SYNDIG1: variants seen among roughly 807,000 people sequenced by gnomAD.
SYNDIG1 encodes synapse differentiation-inducing gene protein 1.
SYNDIG1 carries 9 observed loss-of-function variants against 19.4 expected under a neutral mutation model. That is an observed-to-expected ratio of 0.46 (90% CI 0.28 to 0.81). The LOEUF (loss-of-function observed/expected upper bound fraction) is 0.81. Ranked by LOEUF, SYNDIG1 falls within the 30% of genes least tolerant of loss-of-function variation. SYNDIG1 has a pLI of 0.12. For missense variants in SYNDIG1, 311 were observed against 343.3 expected, an observed-to-expected ratio of 0.91 and a Z score of 0.74; for synonymous variants, 141 against 145.9, an observed-to-expected ratio of 0.97 and a Z score of 0.24.
intron 2 of SYNDIG1, among the ~76,000 whole-genome samples, chr20:24,548,989 G>C (rs923810296): frequency 6.6e-6 from 1 of 151,978 alleles, no homozygotes. Flanking sequence ...GTGATGTTTT[G>C]ATACATGTAA....
At chr20:24,506,484 G>A (rs1266426000) in intron 1 of SYNDIG1, among the ~76,000 whole-genome samples, 2 of 152,200 alleles carry the variant, frequency 1.3e-5, no homozygotes, top group African/African-American at 2.4e-5. Context: ...GGTGGACAGT[G>A]CTTTGGGGAT....
intron 3 of SYNDIG1, among the ~76,000 whole-genome samples, chr20:24,633,729 T>C (rs74881666): frequency 8.5e-5 from 13 of 152,184 alleles, no homozygotes; most frequent in Non-Finnish European, 2.9e-5. Flanking sequence ...GCTGGCAGTC[T>C]GGGTGTGAAT....
At chr20:24,470,646 C>T (rs1355574871) in intron 1 of SYNDIG1, among the ~76,000 whole-genome samples, 1 of 152,238 alleles carries the variant, frequency 6.6e-6, no homozygotes, top group Non-Finnish European at 1.5e-5. Flanking sequence ...GGGGCTTTGT[C>T]CCTATGCGCT....
chr20:24,612,431 G>A (rs2058863858), intron 3 of SYNDIG1, among the ~76,000 whole-genome samples: 1 of 152,152 alleles, frequency 6.6e-6, no homozygotes, highest in Non-Finnish European at 1.5e-5. Flanking sequence ...CTTAAAGCAG[G>A]AGAAGAAAGC....
intron 3 of SYNDIG1, among the ~76,000 whole-genome samples, chr20:24,636,771 G>C (rs540438006): frequency 5.4e-4 from 82 of 152,306 alleles, no homozygotes; most frequent in African/African-American, 1.8e-3. Flanking sequence ...GCTGCTCTTT[G>C]TTAGAAAAGA....
chr20:24,484,284 G>A (rs933356748), intron 1 of SYNDIG1, among the ~76,000 whole-genome samples: 1 of 152,154 alleles, frequency 6.6e-6, no homozygotes, highest in African/African-American at 2.4e-5. Flanking sequence ...AGAGTGGGGG[G>A]CCTGGGGCTA....
intron 3 of SYNDIG1, among the ~76,000 whole-genome samples, chr20:24,650,640 G>A (rs1372050216): frequency 6.6e-6 from 1 of 152,220 alleles, no homozygotes; most frequent in African/African-American, 2.4e-5. Flanking sequence ...CACCAGCCCA[G>A]CCTCCCAGCT....
intron 1 of SYNDIG1, among the ~76,000 whole-genome samples, chr20:24,532,109 A>G (rs955705590): frequency 2.0e-5 from 3 of 152,168 alleles, no homozygotes; most frequent in African/African-American, 7.2e-5. Flanking sequence ...CTTTGTTTTT[A>G]AGGTAGTTTT....
chr20:24,515,568 T>G (rs970453626), intron 1 of SYNDIG1, among the ~76,000 whole-genome samples: 21 of 151,956 alleles, frequency 1.4e-4, no homozygotes, highest in Non-Finnish European at 2.2e-4. Flanking sequence ...AGCCAAATCA[T>G]GAGTGAACTC....
intron 2 of SYNDIG1, among the ~76,000 whole-genome samples, chr20:24,582,754 G>A (rs930211819): frequency 1.1e-4 from 16 of 152,198 alleles, no homozygotes; most frequent in Admixed American, 2.0e-4. Flanking sequence ...GGGGGCCAAT[G>A]TGCAGAATAA....
Position 24,653,817 on chromosome 20 carries a change from C to T in SYNDIG1, c.619-11529C>T, listed in dbSNP as rs375084893. Among the ~76,000 whole-genome samples the T allele has an allele frequency of 3.9e-5, 6 of 152,358 alleles. No individual in the cohort carries two copies. The East Asian group carries it at 9.6e-4, about 24-fold the overall frequency. The stretch of plus-strand genomic sequence containing the variant: ...GAGGCCACTCTCCTTCATGTGGCCG[C>T]CTTCTTGCTGCGACTTCACGGGGTC... On this transcript the variant is annotated intron_variant, in intron 3 of 3. Transcript: ENST00000376862.
intron 1 of SYNDIG1, among the ~76,000 whole-genome samples, chr20:24,540,571 A>G (rs1295116322): frequency 6.6e-6 from 1 of 152,098 alleles, no homozygotes; most frequent in Non-Finnish European, 1.5e-5. Context: ...TCATGTTTTT[A>G]TCATGAAAAG....
chr20:24,532,227 C>T (rs939320100), intron 1 of SYNDIG1, among the ~76,000 whole-genome samples: 2 of 152,170 alleles, frequency 1.3e-5, no homozygotes, highest in Admixed American at 1.3e-4. Context: ...TAAAGGATAG[C>T]AACCACCATT....
chr20:24,585,056 G>GCGCCC, intron 3 of SYNDIG1, 63 bp downstream of exon 3: 1 of 545,664 alleles, frequency 1.8e-6, no homozygotes, highest in Non-Finnish European at 3.4e-6. Context: ...GGTGGGGGCG[G>GCGCCC]CAATCCCAGC....
At chr20:24,635,736 C>T (rs1345797480) in intron 3 of SYNDIG1, among the ~76,000 whole-genome samples, 2 of 152,112 alleles carry the variant, frequency 1.3e-5, no homozygotes, top group Non-Finnish European at 2.9e-5. Flanking sequence ...CCTTTTCTCC[C>T]CTTCTGTGTT....
intron 3 of SYNDIG1, among the ~76,000 whole-genome samples, chr20:24,636,052 T>C (rs2059311852): frequency 6.6e-6 from 1 of 152,240 alleles, no homozygotes; most frequent in Admixed American, 6.5e-5. Context: ...CCAACACTGC[T>C]TGTTCACTGT....
intron 3 of SYNDIG1, among the ~76,000 whole-genome samples, chr20:24,623,861 G>A (rs1484373928): frequency 6.6e-6 from 1 of 152,128 alleles, no homozygotes; most frequent in African/African-American, 2.4e-5. Context: ...GAAAAAACCA[G>A]AACAAATCCA....
rs966814564 is a variant in SYNDIG1 at position 24,622,644 on chromosome 20, T to C, written c.618+37651T>C. Among the ~76,000 whole-genome samples, 8 of 152,248 alleles carry C rather than the reference T, an allele frequency of 5.3e-5. No homozygotes were observed. The East Asian group carries it at 1.5e-3, about 29-fold the overall frequency. On this transcript the variant is annotated intron_variant, in intron 3 of 3. Transcript: ENST00000376862. The stretch of plus-strand genomic sequence containing the variant: ...TGCCTGATGACCTGAGATGGAACAG[T>C]TTCATCCCGAAACCATCCCCTCTGC...
intron 3 of SYNDIG1, among the ~76,000 whole-genome samples, chr20:24,622,536 A>G (rs2059055050): frequency 6.6e-6 from 1 of 152,240 alleles, no homozygotes; most frequent in Non-Finnish European, 1.5e-5. Context: ...CACTGGTGGC[A>G]TTAGATTCTC....
Sources: gnomAD v4.1 joint callset for allele counts (sites outside exome capture counted in the v4.1 genomes callset) on GRCh38, gnomAD v4.1.1 for gene constraint, MANE v1.5 for transcripts, NCBI Gene and HGNC (gene_info 2026-07-23, HGNC 2026-07-21) for gene names.